THSD7B: variants seen among roughly 807,000 people sequenced by gnomAD.
THSD7B encodes thrombospondin type 1 domain containing 7B.
THSD7B carries 138 observed loss-of-function variants against 213.6 expected under a neutral mutation model. The observed-to-expected ratio is 0.65, with a 90% CI of 0.56 to 0.74. The LOEUF (loss-of-function observed/expected upper bound fraction) is 0.74. Ranked by LOEUF, THSD7B falls within the 30% of genes least tolerant of loss-of-function variation. THSD7B has a pLI of 0.00. For synonymous variants in THSD7B, 742 were observed against 687.0 expected (o/e 1.08, Z -1.25); for missense variants, 1,931 against 1,991.5 (o/e 0.97, Z 0.58).
chr2:137,333,303 A>T (rs1009422346), intron 12 of THSD7B, among the ~76,000 whole-genome samples: 10 of 151,966 alleles, frequency 6.6e-5, no homozygotes, highest in African/African-American at 1.9e-4. Flanking sequence ...TCTATTCTCT[A>T]CTCTGCAGCC....
At chr2:137,086,380 G>A (rs1348535510) in intron 3 of THSD7B, among the ~76,000 whole-genome samples, 1 of 151,868 alleles carries the variant, frequency 6.6e-6, no homozygotes, top group Non-Finnish European at 1.5e-5. Context: ...AAAAAATCTT[G>A]TAGCTATAGG....
chr2:136,847,573 T>C (rs1683031120), intron 1 of THSD7B, among the ~76,000 whole-genome samples: 2 of 152,300 alleles, frequency 1.3e-5, no homozygotes, highest in South Asian at 4.1e-4. Flanking sequence ...AGACAGAATC[T>C]ATTTCTTTTA....
chr2:137,401,638 T>C (rs536948536), intron 12 of THSD7B, among the ~76,000 whole-genome samples: 24 of 150,550 alleles, frequency 1.6e-4, no homozygotes, highest in African/African-American at 4.6e-4. Context: ...TTCTTTCTTT[T>C]TTTTTTTTTT....
chr2:137,028,380 A>C (rs1330765859), intron 2 of THSD7B, among the ~76,000 whole-genome samples: 1 of 152,226 alleles, frequency 6.6e-6, no homozygotes, highest in Non-Finnish European at 1.5e-5. Context: ...GGAAATATAA[A>C]TTATTGACAG....
In THSD7B at chr2:137,476,663, T is replaced by C. The variant is rs138328941; in HGVS notation, c.3138+25640T>C. Among the ~76,000 whole-genome samples, 56 of 152,258 alleles carry C rather than the reference T, an allele frequency of 3.7e-4. 2 individuals carry two copies. Among genetic ancestry groups the C allele is most frequent in the Middle Eastern group, 3.4e-3 (1 of 294 alleles). On this transcript the variant is annotated intron_variant, in intron 15 of 27. Coordinates refer to ENST00000409968, the MANE Select transcript of THSD7B (RefSeq NM_001316349.2). The stretch of plus-strand genomic sequence containing the variant: ...TCAGCTCACTGCCACCTCCATCTCC[T>C]GGGTTCAAGGGATTCCCTTGCCTCA...
intron 3 of THSD7B, among the ~76,000 whole-genome samples, chr2:137,061,135 A>G (rs1687261346): frequency 6.6e-6 from 1 of 151,806 alleles, no homozygotes. Flanking sequence ...TTAATTTCAT[A>G]TTGCAATTGT....
chr2:137,196,019 A>C (rs1466128484), intron 7 of THSD7B, among the ~76,000 whole-genome samples: 1 of 152,254 alleles, frequency 6.6e-6, no homozygotes, highest in East Asian at 1.9e-4. Context: ...ATTTTTGAGC[A>C]CTGACATGAT....
intron 5 of THSD7B, among the ~76,000 whole-genome samples, chr2:137,120,195 G>T (rs1483950307): frequency 2.0e-5 from 3 of 152,074 alleles, no homozygotes; most frequent in African/African-American, 7.2e-5. Context: ...AGAGAGATAA[G>T]GTTCTTGGCT....
intron 7 of THSD7B, 54 bp from the exon 8 acceptor site, chr2:137,230,990 A>C: frequency 1.3e-6 from 2 of 1,530,178 alleles, no homozygotes; most frequent in Non-Finnish European, 1.8e-6. Context: ...TAGATAAAGC[A>C]GTGAGGCTTG....
At chr2:137,635,982 A>T (rs914160028) in intron 20 of THSD7B, among the ~76,000 whole-genome samples, 1 of 152,162 alleles carries the variant, frequency 6.6e-6, no homozygotes, top group Non-Finnish European at 1.5e-5. Flanking sequence ...GATTACAGAC[A>T]TGAGCTACTG....
Position 137,450,835 on chromosome 2 carries a change from T to C in THSD7B, c.2960-10T>C. Reference sequence around the variant, plus strand: ...ATCAGACTTTCTTCTCTTAAATCTTTTTCTGTCAGGTTACATTCAAGAAAA... The same window carrying C: ...ATCAGACTTTCTTCTCTTAAATCTTCTTCTGTCAGGTTACATTCAAGAAAA... On this transcript the variant is annotated splice_polypyrimidine_tract_variant and intron_variant, in intron 14 of 27. Coordinates refer to ENST00000409968, the MANE Select transcript of THSD7B (RefSeq NM_001316349.2). The C allele has an allele frequency of 6.3e-7, 1 of 1,581,536 alleles. No individual in the cohort carries two copies. Among genetic ancestry groups the C allele is most frequent in the African/African-American group, 1.4e-5 (1 of 73,260 alleles).
At chr2:137,233,864 A>G (rs887032521) in intron 9 of THSD7B, among the ~76,000 whole-genome samples, 2 of 152,206 alleles carry the variant, frequency 1.3e-5, no homozygotes, top group Non-Finnish European at 1.5e-5. Context: ...GAAGGGCCCT[A>G]TGCATTATAG....
At chr2:136,910,175 CT>C (rs1249451485) in intron 2 of THSD7B, among the ~76,000 whole-genome samples, 1 of 151,952 alleles carries the variant, frequency 6.6e-6, no homozygotes. Flanking sequence ...GCAAGGTGAA[CT>C]ACAGACAACT....
intron 15 of THSD7B, among the ~76,000 whole-genome samples, chr2:137,529,000 C>T (rs1270085423): frequency 6.6e-6 from 1 of 152,088 alleles, no homozygotes; most frequent in African/African-American, 2.4e-5. Flanking sequence ...AATTTTCATA[C>T]ATGTAATTAT....
chr2:137,018,848 T>G (rs1187593986), intron 2 of THSD7B, among the ~76,000 whole-genome samples: 2 of 152,204 alleles, frequency 1.3e-5, no homozygotes, highest in Non-Finnish European at 2.9e-5. Flanking sequence ...TTTTTTTGTT[T>G]GGGAATTATT....
At chr2:136,869,078 C>A (rs1683389490) in intron 1 of THSD7B, among the ~76,000 whole-genome samples, 1 of 152,082 alleles carries the variant, frequency 6.6e-6, no homozygotes, top group African/African-American at 2.4e-5. Context: ...AATGATTTAA[C>A]TTCCTTTTTT....
At chr2:137,314,062 A>G (rs896926258) in intron 12 of THSD7B, among the ~76,000 whole-genome samples, 1 of 152,122 alleles carries the variant, frequency 6.6e-6, no homozygotes, top group African/African-American at 2.4e-5. Flanking sequence ...CTGCTTTGCT[A>G]GATTGGGGAA....
chr2:137,390,687 A>T (rs1686003915), intron 12 of THSD7B, among the ~76,000 whole-genome samples: 2 of 152,068 alleles, frequency 1.3e-5, no homozygotes. Context: ...CATGGTCTTT[A>T]TTATTTTGAG....
chr2:137,558,674 C>T (rs907721188), intron 15 of THSD7B, among the ~76,000 whole-genome samples: 3 of 152,202 alleles, frequency 2.0e-5, no homozygotes, highest in Non-Finnish European at 4.4e-5. Flanking sequence ...TGTCCTCTTG[C>T]ACCACTCCTA....
Sources: allele counts gnomAD v4.1 joint callset (sites outside exome capture counted in the v4.1 genomes callset), GRCh38; gene constraint gnomAD v4.1.1; transcripts MANE v1.5; gene names NCBI Gene and HGNC (gene_info 2026-07-23, HGNC 2026-07-21).